Variants in PLCG1 observed in about 807,000 individuals in gnomAD.
PLCG1 encodes phospholipase C gamma 1.
A neutral mutation model predicts 177.8 loss-of-function variants in PLCG1; 71 were observed. The ratio of observed to expected loss-of-function variants is 0.40; its 90% CI spans 0.33 to 0.49. The LOEUF (loss-of-function observed/expected upper bound fraction) is 0.49. Ranked by LOEUF, PLCG1 falls within the 20% of genes least tolerant of loss-of-function variation. PLCG1 has a pLI of 0.72. For missense variants in PLCG1, 1,281 were observed against 1,709.0 expected, an observed-to-expected ratio of 0.75 and a Z score of 4.42; for synonymous variants, 658 against 647.9, an observed-to-expected ratio of 1.02 and a Z score of -0.24.
rs528215524 is a variant in PLCG1, at chr20:41,177,136, T to C, written c.*2627T>C. 3 of 152,384 alleles carry C rather than the reference T, an allele frequency of 2.0e-5. No homozygotes were observed. In the East Asian group the frequency reaches 5.8e-4, roughly 29 times the overall value. 9.4% of individuals were successfully genotyped at this position (152,384 alleles called of 1,614,324 possible). On this transcript the variant is annotated 3_prime_UTR_variant, in exon 32 of 32. Transcript: ENST00000685551. The stretch of plus-strand genomic sequence containing the variant: ...GAAGTCAGTGGTACCAGAAGGTAGA[T>C]GGGCTCCCTTGCAGGCTCCTTGTTC...
rs748572426 is a variant in PLCG1 at position 41,165,286 on chromosome 20, T to C, written c.1428T>C (p.Pro476=). The C allele has an allele frequency of 6.2e-7, 1 of 1,614,068 alleles. No homozygotes were observed. The highest frequency in any genetic ancestry group is 8.5e-7 in the Non-Finnish European group (1 of 1,179,958). ...AGGGCAGTGCCTACGAGGAGGTGCC[T>C]ACATCCATGATGTACTCTGAGAACG... ...LAEGSAYEEV[P]TSMMYSENDI... is the part of the protein sequence containing the mutation. Residue 476 remains proline, a synonymous_variant, in exon 14 of 32, where the codon CCT becomes CCC. Transcript: ENST00000685551. The surrounding 1 kb of genome is among the most constrained non-coding windows in gnomAD (Gnocchi z 6.6).
At chr20:41,149,789 A>T (rs959128934) in intron 1 of PLCG1, among the ~76,000 whole-genome samples, 2 of 152,214 alleles carry the variant, frequency 1.3e-5, no homozygotes, top group Admixed American at 6.5e-5. Flanking sequence ...ACAAAGAAGC[A>T]TGAAAACCAG....
Position 41,173,459 on chromosome 20 carries a change from ATTGTGTGTCCT to A in PLCG1, c.3322_3332del (p.Val1108CysfsTer4), listed in dbSNP as rs1262239805. 1 of 1,612,774 alleles carries A rather than the reference ATTGTGTGTCCT, an allele frequency of 6.2e-7. No individual in the cohort carries two copies. The highest frequency in any genetic ancestry group is 8.5e-7 in the Non-Finnish European group (1 of 1,179,240). On this transcript the variant is annotated frameshift_variant, in exon 28 of 32. Transcript: ENST00000685551. LOFTEE classifies it high-confidence loss of function. The surrounding 1 kb of genome is among the most constrained non-coding windows in gnomAD (Gnocchi z 6.2). Reference sequence around the variant, plus strand: ...ACATCTGCCAAAGAATGGCCGAGGCATTGTGTGTCCTTTTGTGGAGATTGAGGTGGCTGGAG... The same window carrying A: ...ACATCTGCCAAAGAATGGCCGAGGCATTTGTGGAGATTGAGGTGGCTGGAG...
rs1300317847 is a variant in PLCG1, at chr20:41,168,846, A to G, written c.2459A>G (p.Asn820Ser). The G allele has an allele frequency of 6.2e-7, 1 of 1,611,410 alleles. No individual in the cohort carries two copies. Among genetic ancestry groups the G allele is most frequent in the South Asian group, 1.1e-5 (1 of 90,970 alleles). ...TTCATCAAGAGCGCCATCATCCAGA[A>G]TGTGGAGAAGCAAGAGGGAGGCTGG... Reference protein sequence around the residue: ...LTFIKSAIIQNVEKQEGGWWR... With the variant: ...LTFIKSAIIQSVEKQEGGWWR... Residue 820 changes from asparagine to serine, a missense_variant, in exon 21 of 32, where the codon AAT becomes AGT. Physicochemically the swap from Asn to Ser is conservative, Grantham distance 46. This residue lies in a region of PLCG1 where 723 missense variants were observed against 1,030.0 expected (regional missense o/e 0.70). Transcript: ENST00000685551.
Position 41,159,765 on chromosome 20 carries a change from G to A in PLCG1, c.370+7G>A. 6.2e-7 allele frequency: 1 copy of A among 1,614,218 alleles called. No individual in the cohort carries two copies. The highest frequency in any genetic ancestry group is 8.5e-7 in the Non-Finnish European group (1 of 1,180,034). On this transcript the variant is annotated splice_region_variant and intron_variant, in intron 2 of 31. Coordinates refer to ENST00000685551, the MANE Select transcript of PLCG1 (RefSeq NM_002660.3). This position sits in a 1 kb window ranked among gnomAD's most constrained non-coding sequence, Gnocchi z 6.0. ...AAAACGCTGAGCCTGCAAGGTGGGAGTTAAGGGGGTAGAGGAGGTAGAGGA... is the reference window on the plus strand; with the variant it reads ...AAAACGCTGAGCCTGCAAGGTGGGAATTAAGGGGGTAGAGGAGGTAGAGGA...
In PLCG1 at chr20:41,169,171, G is replaced by A; in HGVS notation, c.2576G>A (p.Arg859Lys). 1 of 1,608,168 alleles carries A rather than the reference G, an allele frequency of 6.2e-7. No individual in the cohort carries two copies. Among genetic ancestry groups the A allele is most frequent in the Non-Finnish European group, 8.5e-7 (1 of 1,174,604 alleles). ...MVNPVALEPEREHLDENSPLG... is the reference protein window; with the variant it reads ...MVNPVALEPEKEHLDENSPLG... ...AACCCCGTGGCCCTGGAGCCGGAGAGGGAGGTAAGACCAGAACCACCTGAG... is the reference window on the plus strand; with the variant it reads ...AACCCCGTGGCCCTGGAGCCGGAGAAGGAGGTAAGACCAGAACCACCTGAG... The change falls in exon 22 of 32, where the codon AGG becomes AAG. Residue 859 changes from arginine (R) to lysine (K), a missense_variant. This residue lies in a region of PLCG1 where 723 missense variants were observed against 1,030.0 expected (regional missense o/e 0.70). Transcript: ENST00000685551.
At chr20:41,161,478 G>C (rs2035493557) in intron 4 of PLCG1, among the ~76,000 whole-genome samples, 1 of 152,146 alleles carries the variant, frequency 6.6e-6, no homozygotes, top group Admixed American at 6.5e-5. Flanking sequence ...AGAGACCACA[G>C]AGGGCAAGAT....
At position 41,174,337 on chromosome 20, in the gene PLCG1, G is replaced by A. The variant is rs375157271; in HGVS notation, c.3833+26G>A. 4.0e-5 allele frequency: 65 copies of A among 1,609,140 alleles called. No individual in the cohort carries two copies. Among genetic ancestry groups the A allele is most frequent in the Non-Finnish European group, 5.2e-5 (61 of 1,175,668 alleles). On this transcript the variant is annotated intron_variant, in intron 31 of 31. Transcript: ENST00000685551. The surrounding 1 kb of genome is among the most constrained non-coding windows in gnomAD (Gnocchi z 5.8). ...GTGAGGAAGATGGAGGGGTGCTAGA[G>A]CCAGGAAGGCAGTGGCTAGGTCCTC... is the stretch of plus-strand genomic sequence containing the variant.
rs2036006552 is a variant in PLCG1, at chr20:41,174,598, C to T, written c.*89C>T. 20 of 1,185,856 alleles carry T rather than the reference C, an allele frequency of 1.7e-5. No homozygotes were observed. The Admixed American group carries it at 1.8e-4, about 11-fold the overall frequency. The allele number at this position is 1,185,856 out of a possible 1,614,324, so 73.5% of individuals were successfully genotyped here. On this transcript the variant is annotated 3_prime_UTR_variant, in exon 32 of 32. Transcript: ENST00000685551. The surrounding 1 kb of genome is among the most constrained non-coding windows in gnomAD (Gnocchi z 5.8). ...GTTCTTTGGAAGCAGCCCCCTGTGG[C>T]GGCCTTCCGGGTCTCGCAGCCTGAA...
At chr20:41,149,572 G>A (rs1414937528) in intron 1 of PLCG1, among the ~76,000 whole-genome samples, 1 of 152,242 alleles carries the variant, frequency 6.6e-6, no homozygotes, top group African/African-American at 2.4e-5. Context: ...AGTGGGGATA[G>A]CAAGTAGGCA....
In PLCG1 at chr20:41,168,825, T is replaced by C. The variant is rs753381; in HGVS notation, c.2438T>C (p.Ile813Thr). ...KAQREDELTF[I>T]KSAIIQNVEK... ...CAGAGGGAGGACGAGCTGACCTTCATCAAGAGCGCCATCATCCAGAATGTG... is the reference window on the plus strand; with the variant it reads ...CAGAGGGAGGACGAGCTGACCTTCACCAAGAGCGCCATCATCCAGAATGTG... Residue 813 changes from isoleucine (I) to threonine (T), a missense_variant, in exon 21 of 32, where the codon ATC (isoleucine) becomes ACC (threonine). By Grantham distance (89) the Ile-to-Thr change is moderately conservative. This residue lies in a region of PLCG1 where 723 missense variants were observed against 1,030.0 expected (regional missense o/e 0.70). Transcript: ENST00000685551. 939,639 of 1,610,688 alleles carry C rather than the reference T, an allele frequency of 0.58. 281,299 individuals carry two copies. The highest frequency in any genetic ancestry group is 0.93 in the African/African-American group (69,427 of 74,968).
At chr20:41,155,398 A>T (rs1402039080) in intron 1 of PLCG1, among the ~76,000 whole-genome samples, 1 of 152,236 alleles carries the variant, frequency 6.6e-6, no homozygotes, top group Non-Finnish European at 1.5e-5. Flanking sequence ...AGAGGACTGC[A>T]GACTTGCCAA....
rs2035672583 is a variant in PLCG1, at chr20:41,165,939, C to T, written c.1799+113C>T. The T allele has an allele frequency of 2.2e-6, 2 of 914,384 alleles. No homozygotes were observed. The highest frequency in any genetic ancestry group is 5.0e-5 in the East Asian group (2 of 39,664). The allele number at this position is 914,384 out of a possible 1,614,324, so 56.6% of individuals were successfully genotyped here. Reference sequence around the variant, plus strand: ...CCTTTGATCCAGGACAATAATTAGGCTTTACATGGAACATAATTTCACCTA... The same window carrying T: ...CCTTTGATCCAGGACAATAATTAGGTTTTACATGGAACATAATTTCACCTA... On this transcript the variant is annotated intron_variant, in intron 16 of 31. Transcript: ENST00000685551. This position sits in a 1 kb window ranked among gnomAD's most constrained non-coding sequence, Gnocchi z 6.6.
chr20:41,145,320 G>T (rs964930525), intron 1 of PLCG1, among the ~76,000 whole-genome samples: 3 of 152,196 alleles, frequency 2.0e-5, no homozygotes, highest in Non-Finnish European at 4.4e-5. Flanking sequence ...GGTTTAGAAG[G>T]AATTAATTTC....
chr20:41,145,715 G>A (rs2034976233), intron 1 of PLCG1, among the ~76,000 whole-genome samples: 1 of 152,214 alleles, frequency 6.6e-6, no homozygotes, highest in East Asian at 1.9e-4. Flanking sequence ...GTAGAGAAGT[G>A]TGAGAAGGGG....
rs1199216396 is a variant in PLCG1, at chr20:41,175,736, C to T, written c.*1227C>T. On this transcript the variant is annotated 3_prime_UTR_variant, in exon 32 of 32. Transcript: ENST00000685551. ...TGTCCTTTTTCCTTTGACTTGTATG[C>T]TCTTTCGGGGGCTCAGGAAAGCCTG... 2 of 152,650 alleles carry T rather than the reference C, an allele frequency of 1.3e-5. No homozygotes were observed. The highest frequency in any genetic ancestry group is 2.4e-5 in the African/African-American group (1 of 41,462). 9.5% of individuals were successfully genotyped at this position (152,650 alleles called of 1,614,324 possible).
chr20:41,172,362 A>AT lies in PLCG1; in HGVS notation c.2906-58dup, dbSNP rs2035929464. The AT allele has an allele frequency of 7.0e-6, 11 of 1,575,502 alleles. No individual in the cohort carries two copies. The highest frequency in any genetic ancestry group is 1.4e-5 in the African/African-American group (1 of 74,066). ...GTGGGTGCAAAAAGAGTATTTAGGT[A>AT]TCCCCCCAACACTTCCTGGGTGGGC... On this transcript the variant is annotated intron_variant, in intron 25 of 31. Coordinates refer to ENST00000685551, the MANE Select transcript of PLCG1 (RefSeq NM_002660.3). This position sits in a 1 kb window ranked among gnomAD's most constrained non-coding sequence, Gnocchi z 7.0.
At chr20:41,155,785 A>G (rs35651697) in intron 1 of PLCG1, among the ~76,000 whole-genome samples, 4,929 of 152,278 alleles carry the variant, frequency 0.032, 146 homozygotes, top group Admixed American at 0.05. Flanking sequence ...GGCTGTCTCC[A>G]GACTTCTCTA....
Position 41,164,476 on chromosome 20 carries a change from C to A in PLCG1, c.1217+275C>A, listed in dbSNP as rs984201181. On this transcript the variant is annotated intron_variant, in intron 12 of 31. Transcript: ENST00000685551. The surrounding 1 kb of genome is among the most constrained non-coding windows in gnomAD (Gnocchi z 6.4). The stretch of plus-strand genomic sequence containing the variant: ...GCTCTTCTCATCTTCAGAAAACATG[C>A]CCTGGTTTCTTTAGGCCAGTGTCCT... Among the ~76,000 whole-genome samples, 1 of 152,084 alleles carries A rather than the reference C, an allele frequency of 6.6e-6. No individual in the cohort carries two copies. Among genetic ancestry groups the A allele is most frequent in the African/African-American group, 2.4e-5 (1 of 41,390 alleles).
Sources: gnomAD v4.1 joint callset for allele counts (sites outside exome capture counted in the v4.1 genomes callset) on GRCh38, gnomAD v4.1.1 for gene constraint, gnomAD v4.1.1 regional missense constraint, Gnocchi (gnomAD v3.1) non-coding constraint, MANE v1.5 for transcripts, NCBI Gene and HGNC (gene_info 2026-07-23, HGNC 2026-07-21) for gene names.